The following CFLAR variants were observed in gnomAD, a reference collection of about 807,000 sequenced individuals.
The protein encoded by CFLAR is CASP8 and FADD like apoptosis regulator.
CFLAR carries 14 observed loss-of-function variants against 51.1 expected under a neutral mutation model. The observed-to-expected ratio is 0.27, with a 90% CI of 0.18 to 0.43. The LOEUF is 0.43. Among genes scored for constraint, CFLAR ranks in the 20% least tolerant of loss-of-function variants. CFLAR has a pLI of 1.00. For missense variants in CFLAR, 390 were observed against 566.5 expected (o/e 0.69, Z 3.16); for synonymous variants, 210 against 211.6 (o/e 0.99, Z 0.06).
chr2:201,120,023 C>CTTTTTTTTTTTTTTTTTTTTTTTTTTT, intron 1 of CFLAR, among the ~76,000 whole-genome samples: 1 of 112,352 alleles, frequency 8.9e-6, no homozygotes, highest in Non-Finnish European at 1.8e-5. Context: ...CTTTTCTTTT[C>CTTTTTTTTTTTTTTTTTTTTTTTTTTT]TTTTTTTTTT....
intron 2 of CFLAR, among the ~76,000 whole-genome samples, chr2:201,130,464 C>T (rs763982981): frequency 6.9e-6 from 1 of 144,808 alleles, no homozygotes; most frequent in Non-Finnish European, 1.5e-5. Flanking sequence ...TGGGTTCAAG[C>T]GATTCTCCTG....
At chr2:201,134,690 A>G (rs2049867654) in intron 3 of CFLAR, among the ~76,000 whole-genome samples, 1 of 151,416 alleles carries the variant, frequency 6.6e-6, no homozygotes. Flanking sequence ...ATAAAAAAAT[A>G]TAAAATAAAA....
chr2:201,145,443 CTT>C lies in CFLAR; in HGVS notation c.661+17_661+18del. 6.4e-7 allele frequency: 1 copy of C among 1,556,282 alleles called. No homozygotes were observed. The highest frequency in any genetic ancestry group is 8.8e-7 in the Non-Finnish European group (1 of 1,130,502). ...AGCTTGGCGCTCAACGTAAGACCAC[CTT>C]TTTTTAATATTCATTATTTATAAAT... On this transcript the variant is annotated intron_variant, in intron 6 of 9. Transcript: ENST00000309955.
chr2:201,132,592 T>C (rs2049478541), intron 2 of CFLAR, among the ~76,000 whole-genome samples: 1 of 152,126 alleles, frequency 6.6e-6, no homozygotes. Flanking sequence ...TTCTTTCCTT[T>C]AGCATCTTGC....
chr2:201,135,664 C>T (rs1383941822), intron 3 of CFLAR, among the ~76,000 whole-genome samples: 1 of 151,142 alleles, frequency 6.6e-6, no homozygotes, highest in Non-Finnish European at 1.5e-5. Context: ...GGGTCTCGCT[C>T]TGCTGCCCAG....
chr2:201,157,349 C>T (rs997711522), intron 8 of CFLAR, among the ~76,000 whole-genome samples: 1 of 152,130 alleles, frequency 6.6e-6, no homozygotes, highest in Non-Finnish European at 1.5e-5. Context: ...CCATGTTGCC[C>T]AGGCTGGTCT....
Position 201,159,789 on chromosome 2 carries a change from A to G in CFLAR, c.794-643A>G, listed in dbSNP as rs537297929. On this transcript the variant is annotated intron_variant, in intron 8 of 9. Coordinates refer to ENST00000309955, the MANE Select transcript of CFLAR (RefSeq NM_003879.7). The stretch of plus-strand genomic sequence containing the variant: ...ACAGTACTAATTTAATTATATCTTC[A>G]CAGTTACTAATTTAATTATATCCTC... Among the ~76,000 whole-genome samples the G allele has an allele frequency of 2.0e-3, 308 of 152,308 alleles. 2 individuals carry two copies. Among genetic ancestry groups the G allele is most frequent in the Middle Eastern group, 3.4e-3 (1 of 294 alleles).
At chr2:201,154,651 A>G (rs1342497410) in intron 8 of CFLAR, 5 of 152,248 alleles carry the variant, frequency 3.3e-5, no homozygotes, top group Admixed American at 2.0e-4. Flanking sequence ...TCCCAGTGTC[A>G]GTGTGTTTCT....
chr2:201,149,424 A>G (rs944879227), intron 7 of CFLAR: 6 of 294,820 alleles, frequency 2.0e-5, no homozygotes, highest in Admixed American at 9.6e-5. Flanking sequence ...GGAACATGCC[A>G]CTTATATAAC....
chr2:201,138,129 T>C lies in CFLAR; in HGVS notation c.523+2022T>C, dbSNP rs2050393363. On this transcript the variant is annotated intron_variant, in intron 4 of 9. Transcript: ENST00000309955. This position sits in a 1 kb window ranked among gnomAD's most constrained non-coding sequence, Gnocchi z 4.0. ...CCATCCACACCAGCGTCAATCAGGT[T>C]GTTGGCCTGGGCTGCTGTCACCACG... 3 of 784,298 alleles carry C rather than the reference T, an allele frequency of 3.8e-6. No individual in the cohort carries two copies. The highest frequency in any genetic ancestry group is 4.9e-5 in the East Asian group (2 of 40,882). 48.6% of individuals were successfully genotyped at this position (784,298 alleles called of 1,614,324 possible).
Position 201,168,493 on chromosome 2 carries a change from A to C in CFLAR, c.*4520A>C, listed in dbSNP as rs1943803971. 1 of 152,212 alleles carries C rather than the reference A, an allele frequency of 6.6e-6. No individual in the cohort carries two copies. Among genetic ancestry groups the C allele is most frequent in the African/African-American group, 2.4e-5 (1 of 41,448 alleles). The allele number at this position is 152,212 out of a possible 1,614,324, so 9.4% of individuals were successfully genotyped here. On this transcript the variant is annotated 3_prime_UTR_variant, in exon 10 of 10. Coordinates refer to ENST00000309955, the MANE Select transcript of CFLAR (RefSeq NM_003879.7). ...AAATATCTCAAAATAATAACCATTT[A>C]TGACAAACCCACAGCCATTATCATA...
chr2:201,126,671 G>A (rs2048746935), intron 1 of CFLAR, among the ~76,000 whole-genome samples: 1 of 152,170 alleles, frequency 6.6e-6, no homozygotes, highest in South Asian at 2.1e-4. Context: ...CACTTCCCTG[G>A]CTGAGGCAAG....
At chr2:201,148,334 CAG>C (rs1325972664) in intron 6 of CFLAR, 2 of 150,940 alleles carry the variant, frequency 1.3e-5, no homozygotes, top group Admixed American at 6.6e-5. Context: ...TTTTTGGAGA[CAG>C]AGTCTCGCTC....
chr2:201,124,425 C>A lies in CFLAR; in HGVS notation c.-137-5304C>A, dbSNP rs1006672787. Among the ~76,000 whole-genome samples the A allele has an allele frequency of 2.0e-5, 3 of 152,184 alleles. No homozygotes were observed. Among genetic ancestry groups the A allele is most frequent in the Non-Finnish European group, 4.4e-5 (3 of 68,040 alleles). On this transcript the variant is annotated intron_variant, in intron 1 of 9. Transcript: ENST00000309955. The surrounding 1 kb of genome is among the most constrained non-coding windows in gnomAD (Gnocchi z 4.7). ...CTTAGCTCACTGGCAACCTCCACCT[C>A]CCAGGCTCAAGAGACTTTTGTGCCT... is the stretch of plus-strand genomic sequence containing the variant.
At chr2:201,152,545 TAAGC>T (rs1941449272) in intron 8 of CFLAR, among the ~76,000 whole-genome samples, 1 of 152,172 alleles carries the variant, frequency 6.6e-6, no homozygotes, top group African/African-American at 2.4e-5. Flanking sequence ...ATAAACCACC[TAAGC>T]AAGAGCTCAC....
At chr2:201,130,187 G>GGGGGGGGGTGGGC in intron 2 of CFLAR, 41 bp downstream of exon 2, 1 of 292,394 alleles carries the variant, frequency 3.4e-6, no homozygotes, top group Middle Eastern at 1.3e-3. Context: ...GGGTGGGAGG[G>GGGGGGGGGTGGGC]AGTGAAGTGT....
At position 201,138,339 on chromosome 2, in the gene CFLAR, C is replaced by A; in HGVS notation, c.524-2018C>A. On this transcript the variant is annotated intron_variant, in intron 4 of 9. Coordinates refer to ENST00000309955, the MANE Select transcript of CFLAR (RefSeq NM_003879.7). The surrounding 1 kb of genome is among the most constrained non-coding windows in gnomAD (Gnocchi z 4.0). The stretch of plus-strand genomic sequence containing the variant: ...ACAGCTGCCCCGCCCAGCAGCTGCT[C>A]ATGGGAATCCTTGGAGGCCACAGGG... The A allele has an allele frequency of 1.3e-6, 1 of 770,228 alleles. No homozygotes were observed. Among genetic ancestry groups the A allele is most frequent in the Non-Finnish European group, 2.4e-6 (1 of 416,948 alleles). The allele number at this position is 770,228 out of a possible 1,614,324, so 47.7% of individuals were successfully genotyped here.
intron 8 of CFLAR, among the ~76,000 whole-genome samples, chr2:201,155,266 G>GTT (rs879559939): frequency 1.5e-4 from 22 of 145,334 alleles, no homozygotes; most frequent in African/African-American, 3.5e-4. Flanking sequence ...TTAAGAGGAA[G>GTT]TTTTTTTTTT....
chr2:201,161,410 A>ATTTATT (rs1559251763), intron 9 of CFLAR, among the ~76,000 whole-genome samples: 1 of 104,402 alleles, frequency 9.6e-6, no homozygotes. Context: ...AAATTTATTT[A>ATTTATT]TTTTTATTTA....
Sources: allele counts gnomAD v4.1 joint callset (sites outside exome capture counted in the v4.1 genomes callset), GRCh38; gene constraint gnomAD v4.1.1; non-coding constraint Gnocchi (gnomAD v3.1); transcripts MANE v1.5; gene names NCBI Gene and HGNC (gene_info 2026-07-23, HGNC 2026-07-21).